The following WBP2NL variants were observed in gnomAD, a reference collection of about 807,000 sequenced individuals.
WBP2NL encodes the protein WBP2 N-terminal like.
A neutral mutation model predicts 23.3 loss-of-function variants in WBP2NL; 27 were observed. That is an observed-to-expected ratio of 1.16 (90% CI 0.85 to 1.60). WBP2NL has a LOEUF of 1.60. Ranked by LOEUF, WBP2NL falls within the 40% of genes most tolerant of loss-of-function variation. The pLI is 0.00. For missense variants in WBP2NL, 370 were observed against 389.5 expected, an observed-to-expected ratio of 0.95 and a Z score of 0.42; for synonymous variants, 151 against 145.9, an observed-to-expected ratio of 1.03 and a Z score of -0.25.
At chr22:42,026,684 C>G (rs1004290852) in intron 5 of WBP2NL, 82 bp from the exon 6 acceptor site, 1 of 1,541,944 alleles carries the variant, frequency 6.5e-7, no homozygotes, top group South Asian at 1.3e-5. Flanking sequence ...TTTGCTTCAG[C>G]ATTATTTTTT....
At chr22:42,033,628 G>T (rs1192416651), downstream of WBP2NL, among the ~76,000 whole-genome samples, 1 of 152,112 alleles carries the variant, frequency 6.6e-6, no homozygotes, top group East Asian at 1.9e-4. Flanking sequence ...GCTCCTATCT[G>T]CAGGCAGGTC....
chr22:42,019,278 T>C, intron 1 of WBP2NL, 33 bp from the exon 2 acceptor site: 2 of 1,576,160 alleles, frequency 1.3e-6, no homozygotes, highest in South Asian at 1.2e-5. Flanking sequence ...ATACATTCTT[T>C]ATTGTGTGCC....
intron 8 of WBP2NL, among the ~76,000 whole-genome samples, chr22:42,056,272 A>G (rs1926023903): frequency 1.0e-5 from 1 of 95,586 alleles, no homozygotes; most frequent in Admixed American, 1.2e-4. Context: ...TGCCACTTGT[A>G]TACAAAAATT....
chr22:42,006,512 C>T (rs1220440216), intron 1 of WBP2NL, among the ~76,000 whole-genome samples: 2 of 152,176 alleles, frequency 1.3e-5, no homozygotes, highest in African/African-American at 4.8e-5. Context: ...GCATTACAGG[C>T]GTGAGCCACC....
intron 1 of WBP2NL, among the ~76,000 whole-genome samples, chr22:42,017,662 G>C (rs188601567): frequency 1.8e-3 from 273 of 152,226 alleles, no homozygotes; most frequent in African/African-American, 6.4e-3. Context: ...TAGCAAAGAA[G>C]GCAGACATTG....
At position 42,047,576 on chromosome 22, in the gene WBP2NL, AAAC is replaced by A. The variant is rs1925642575; in HGVS notation, c.*274-10705_*274-10703del. On this transcript the variant is annotated intron_variant and NMD_transcript_variant, in intron 8 of 8. Coordinates refer to the WBP2NL transcript ENST00000436265. ...CTGCACAGAGCGAGTCTCATCTCAA[AAAC>A]AACAACAAAAAACCCCCCGCCTCCC... Among the ~76,000 whole-genome samples the A allele has an allele frequency of 2.0e-5, 3 of 151,586 alleles. No individual in the cohort carries two copies. The South Asian group carries it at 6.3e-4, about 32-fold the overall frequency.
intron 8 of WBP2NL, among the ~76,000 whole-genome samples, chr22:42,040,133 G>A (rs12161053): frequency 5.3e-5 from 8 of 151,698 alleles, no homozygotes; most frequent in Admixed American, 3.9e-4. Flanking sequence ...GGCTGGTTTC[G>A]AACTCTTGAC....
intron 8 of WBP2NL, among the ~76,000 whole-genome samples, chr22:42,055,269 G>A (rs1464082463): frequency 6.6e-6 from 1 of 152,142 alleles, no homozygotes; most frequent in East Asian, 1.9e-4. Context: ...CTCCGCCTCA[G>A]GGTTCAAGCG....
chr22:42,035,475 C>T (rs1437021161), downstream of WBP2NL, among the ~76,000 whole-genome samples: 4 of 152,386 alleles, frequency 2.6e-5, no homozygotes, highest in Middle Eastern at 3.4e-3. Context: ...AGGGGCGGGT[C>T]TCGCGCTTGT....
chr22:42,034,647 G>A (rs1925112367), downstream of WBP2NL, among the ~76,000 whole-genome samples: 1 of 152,160 alleles, frequency 6.6e-6, no homozygotes, highest in African/African-American at 2.4e-5. Flanking sequence ...ATAAGCCTGG[G>A]AGCGCTATGG....
rs1921662228 is a variant in WBP2NL at position 42,001,410 on chromosome 22, G to A, written c.62+2530G>A. 8.0e-6 allele frequency: 6 copies of A among 750,320 alleles called. No homozygotes were observed. The South Asian group carries it at 9.7e-5, about 12-fold the overall frequency. The allele number at this position is 750,320 out of a possible 1,614,324, so 46.5% of individuals were successfully genotyped here. A position where few individuals can be genotyped will look rare whatever the true frequency, so the allele number is the denominator to read the frequency against. The stretch of plus-strand genomic sequence containing the variant: ...TACCGAAGTAGGCAGCAGGCAGCTC[G>A]GTAGATAATACCCTGCACAGACACG... On this transcript the variant is annotated intron_variant, in intron 1 of 5. Transcript: ENST00000328823.
At position 42,020,035 on chromosome 22, in the gene WBP2NL, A is replaced by T; in HGVS notation, c.345A>T (p.Leu115Phe). 2 of 1,614,124 alleles carry T rather than the reference A, an allele frequency of 1.2e-6. No homozygotes were observed. Among genetic ancestry groups the T allele is most frequent in the Non-Finnish European group, 1.7e-6 (2 of 1,180,022 alleles). ...GGWEGQATFKLVFRNGDAIEF... is the reference protein window; with the variant it reads ...GGWEGQATFKFVFRNGDAIEF... ...GGGAAGGACAAGCTACTTTTAAATTAGTCTTCAGAAATGGAGATGCCATTG... is the reference window on the plus strand; with the variant it reads ...GGGAAGGACAAGCTACTTTTAAATTTGTCTTCAGAAATGGAGATGCCATTG... The change falls in exon 4 of 6, where the codon TTA becomes TTT. Residue 115 changes from leucine (L) to phenylalanine (F), a missense_variant. By Grantham distance (22) the Leu-to-Phe change is conservative. Transcript: ENST00000328823.
At chr22:42,055,862 C>T (rs1389122196) in intron 8 of WBP2NL, among the ~76,000 whole-genome samples, 1 of 151,774 alleles carries the variant, frequency 6.6e-6, no homozygotes, top group Non-Finnish European at 1.5e-5. Flanking sequence ...AACCCTAGTA[C>T]TTTTGCTACC....
intron 8 of WBP2NL, among the ~76,000 whole-genome samples, chr22:42,038,704 G>A (rs1490989521): frequency 2.0e-5 from 3 of 151,996 alleles, no homozygotes; most frequent in Admixed American, 6.6e-5. Flanking sequence ...CCGGGTTCAC[G>A]CCATTCTCCT....
intron 8 of WBP2NL, among the ~76,000 whole-genome samples, chr22:42,039,863 T>C (rs962883915): frequency 6.6e-6 from 1 of 151,952 alleles, no homozygotes; most frequent in African/African-American, 2.4e-5. Context: ...TAACTTTGGG[T>C]CGAGTTTGTT....
chr22:42,027,226 C>T lies in WBP2NL; in HGVS notation c.*45C>T. On this transcript the variant is annotated 3_prime_UTR_variant, in exon 6 of 6. Transcript: ENST00000328823. ...TGAAGACTCACCAAGCAAAGAGGTACCCTAAAATTGAAGTCAGGATAAGGA... is the reference window on the plus strand; with the variant it reads ...TGAAGACTCACCAAGCAAAGAGGTATCCTAAAATTGAAGTCAGGATAAGGA... The T allele has an allele frequency of 6.5e-7, 1 of 1,549,756 alleles. No homozygotes were observed. The highest frequency in any genetic ancestry group is 8.7e-7 in the Non-Finnish European group (1 of 1,151,156).
At chr22:42,018,489 GAGAA>G (rs919591006) in intron 1 of WBP2NL, among the ~76,000 whole-genome samples, 34 of 151,784 alleles carry the variant, frequency 2.2e-4, no homozygotes, top group African/African-American at 5.3e-4. Flanking sequence ...ATAAGAAAAA[GAGAA>G]AGAAAGAAAA....
chr22:42,026,734 C>T (rs1371644729), intron 5 of WBP2NL, 32 bp from the exon 6 acceptor site: 2 of 1,598,908 alleles, frequency 1.3e-6, no homozygotes, highest in Non-Finnish European at 1.7e-6. Flanking sequence ...TTAAAGGTAA[C>T]TGAATTTTTT....
At chr22:42,032,498 G>C (rs1051958155), downstream of WBP2NL, 1 of 247,390 alleles carries the variant, frequency 4.0e-6, no homozygotes, top group Non-Finnish European at 8.3e-6. Context: ...GTAATAGAAA[G>C]CCTTTGCCTT....
Sources: allele counts gnomAD v4.1 joint callset (sites outside exome capture counted in the v4.1 genomes callset), GRCh38; gene constraint gnomAD v4.1.1; transcripts MANE v1.5; gene names NCBI Gene and HGNC (gene_info 2026-07-23, HGNC 2026-07-21).